Variants in TRPM4 observed in about 807,000 individuals in gnomAD.
TRPM4 encodes calcium-activated non-selective cation channel 1.
A neutral mutation model predicts 135.6 loss-of-function variants in TRPM4; 124 were observed. The ratio of observed to expected loss-of-function variants is 0.91; its 90% confidence interval spans 0.79 to 1.06. TRPM4 has a LOEUF of 1.06. Ranked by LOEUF, TRPM4 falls within the 50% of genes least tolerant of loss-of-function variation. The pLI is 0.00. For missense variants in TRPM4, 1,658 were observed against 1,671.4 expected (o/e 0.99, Z 0.14); for synonymous variants, 745 against 705.6 (o/e 1.06, Z -0.88).
intron 2 of TRPM4, among the ~76,000 whole-genome samples, chr19:49,160,808 G>A (rs755079290): frequency 5.3e-5 from 8 of 152,108 alleles, no homozygotes; most frequent in East Asian, 1.9e-4. Context: ...GCGTCTGAGC[G>A]GGAGGGGTAG....
At chr19:49,167,124 G>A (rs1293337376) in intron 3 of TRPM4, among the ~76,000 whole-genome samples, 547 of 137,884 alleles carry the variant, frequency 4.0e-3, no homozygotes, top group African/African-American at 0.016. Flanking sequence ...CTCTCTCTGG[G>A]TCTCTGTCCC....
At chr19:49,197,079 G>C (rs1039741071) in intron 17 of TRPM4, among the ~76,000 whole-genome samples, 1 of 152,154 alleles carries the variant, frequency 6.6e-6, no homozygotes, top group East Asian at 1.9e-4. Context: ...CTTCAGGGAC[G>C]GCAGGATTCA....
At chr19:49,196,400 C>A in intron 16 of TRPM4, 40 bp from the exon 17 acceptor site, 1 of 1,493,420 alleles carries the variant, frequency 6.7e-7, no homozygotes, top group South Asian at 1.3e-5. Flanking sequence ...ACTCAGAGGT[C>A]AGAGTGAGGC....
chr19:49,202,968 A>G (rs146061020), intron 20 of TRPM4, among the ~76,000 whole-genome samples: 8,718 of 140,548 alleles, frequency 0.062, 898 homozygotes, highest in African/African-American at 0.22. Context: ...TCAGCTCACT[A>G]CAAGCTCCGC....
intron 9 of TRPM4, among the ~76,000 whole-genome samples, chr19:49,180,950 A>C (rs1056855893): frequency 9.2e-5 from 14 of 151,752 alleles, no homozygotes; most frequent in African/African-American, 3.4e-4. Context: ...TTATATGCCT[A>C]CCTCTGAGGG....
chr19:49,168,630 G>A lies in TRPM4; in HGVS notation c.690G>A (p.Ser230=), dbSNP rs748931206. 32 of 1,613,616 alleles carry A rather than the reference G, an allele frequency of 2.0e-5. No individual in the cohort carries two copies. The highest frequency in any genetic ancestry group is 4.5e-5 in the East Asian group (2 of 44,874). The change falls in exon 6 of 25, where the codon TCG becomes TCA. Residue 230 remains serine, a synonymous_variant. Coordinates refer to ENST00000252826, the MANE Select transcript of TRPM4 (RefSeq NM_017636.4). ...AGTTTCCCCTGGACTACAACTACTC[G>A]GCCTTCTTCCTGGTGGACGACGGCA... ...GVQFPLDYNY[S]AFFLVDDGTH...
At chr19:49,178,604 G>A (rs1967791557) in intron 9 of TRPM4, among the ~76,000 whole-genome samples, 3 of 152,012 alleles carry the variant, frequency 2.0e-5, no homozygotes, top group Non-Finnish European at 4.4e-5. Flanking sequence ...AGATGAGGAC[G>A]TAGGGAAGAT....
At chr19:49,204,982 GTTTTTT>G (rs756332219) in intron 20 of TRPM4, among the ~76,000 whole-genome samples, 3,345 of 60,778 alleles carry the variant, frequency 0.055, 154 homozygotes, top group African/African-American at 0.16. Flanking sequence ...GGCTTTGGTT[GTTTTTT>G]TTTTTTTTTT....
At position 49,196,533 on chromosome 19, in the gene TRPM4, C is replaced by T. The variant is rs1235369651; in HGVS notation, c.2304C>T (p.Cys768=). The change falls in exon 17 of 25, where the codon TGC becomes TGT. Residue 768 remains cysteine, a synonymous_variant. Transcript: ENST00000252826. ...GGGGCCGCTGCGGGGGGCGCCGGTG[C>T]CTACGCCGCTGGTTCCACTTCTGGG... ...CCGGRCGGRR[C]LRRWFHFWGA... 4.5e-6 allele frequency: 7 copies of T among 1,554,054 alleles called. No homozygotes were observed. The highest frequency in any genetic ancestry group is 5.2e-6 in the Non-Finnish European group (6 of 1,153,384).
At chr19:49,170,691 C>G (rs1967419996) in intron 6 of TRPM4, among the ~76,000 whole-genome samples, 1 of 152,138 alleles carries the variant, frequency 6.6e-6, no homozygotes, top group African/African-American at 2.4e-5. Flanking sequence ...CTGCCTCATT[C>G]AGGGACTCAG....
chr19:49,161,616 C>G (rs1395550950), intron 2 of TRPM4, among the ~76,000 whole-genome samples: 2 of 149,208 alleles, frequency 1.3e-5, no homozygotes, highest in Admixed American at 1.4e-4. Context: ...CAGGCGAGAG[C>G]CACCATACCC....
intron 3 of TRPM4, among the ~76,000 whole-genome samples, 177 bp downstream of exon 3, chr19:49,166,392 G>C (rs751880876): frequency 6.6e-6 from 1 of 151,970 alleles, no homozygotes; most frequent in Non-Finnish European, 1.5e-5. Context: ...TTCTCTCTGC[G>C]TCTCTTTGTC....
chr19:49,171,563 GC>G lies in TRPM4; in HGVS notation c.859-13del, dbSNP rs1568461961. 1 of 1,613,690 alleles carries G rather than the reference GC, an allele frequency of 6.2e-7. No homozygotes were observed. Among genetic ancestry groups the G allele is most frequent in the South Asian group, 1.1e-5 (1 of 91,068 alleles). On this transcript the variant is annotated splice_polypyrimidine_tract_variant and intron_variant, in intron 7 of 24. Coordinates refer to ENST00000252826, the MANE Select transcript of TRPM4 (RefSeq NM_017636.4). The surrounding 1 kb of genome is among the most constrained non-coding windows in gnomAD (Gnocchi z 4.7). ...TTTTCTGACGTGATGAATAAAGAAT[GC>G]CTTTATCCTGTAGCGAATAGAGAAC...
intron 5 of TRPM4, 22 bp from the exon 6 acceptor site, chr19:49,168,531 G>C (rs768987697): frequency 7.4e-6 from 12 of 1,613,828 alleles, no homozygotes; most frequent in Non-Finnish European, 1.0e-5. Context: ...GAGACGCCCT[G>C]GTCTGGCCAT....
rs1318245666 is a variant in TRPM4 at position 49,196,537 on chromosome 19, C to T, written c.2308C>T (p.Arg770Cys). Residue 770 changes from arginine (R) to cysteine (C), a missense_variant, in exon 17 of 25, where the codon CGC becomes TGC. This residue lies in a region of TRPM4 where 1,412 missense variants were observed against 1,408.7 expected (regional missense o/e 1.00). Coordinates refer to ENST00000252826, the MANE Select transcript of TRPM4 (RefSeq NM_017636.4). ...CCGCTGCGGGGGGCGCCGGTGCCTA[C>T]GCCGCTGGTTCCACTTCTGGGGCGC... Reference protein sequence around the residue: ...GGRCGGRRCLRRWFHFWGAPV... With the variant: ...GGRCGGRRCLCRWFHFWGAPV... The T allele has an allele frequency of 2.6e-6, 4 of 1,554,344 alleles. No homozygotes were observed. The highest frequency in any genetic ancestry group is 3.5e-6 in the Non-Finnish European group (4 of 1,153,322).
chr19:49,177,693 C>T (rs571227734), intron 9 of TRPM4, among the ~76,000 whole-genome samples: 19 of 152,150 alleles, frequency 1.2e-4, no homozygotes, highest in Non-Finnish European at 2.5e-4. Context: ...CTCTTTTGCC[C>T]TTCATCTCCC....
intron 9 of TRPM4, among the ~76,000 whole-genome samples, chr19:49,175,786 G>A (rs1057339537): frequency 4.0e-5 from 6 of 150,128 alleles, no homozygotes; most frequent in South Asian, 2.1e-4. Flanking sequence ...TCAGCCTCCC[G>A]AGTAGTTGGG....
chr19:49,183,195 A>G lies in TRPM4; in HGVS notation c.1726A>G (p.Met576Val), dbSNP rs1555756223. 1 of 1,614,140 alleles carries G rather than the reference A, an allele frequency of 6.2e-7. No individual in the cohort carries two copies. Among genetic ancestry groups the G allele is most frequent in the Non-Finnish European group, 8.5e-7 (1 of 1,180,028 alleles). ...ALLLNRAQMAMYFWEMGSNAV... is the reference protein window; with the variant it reads ...ALLLNRAQMAVYFWEMGSNAV... ...GTTGCTGAACAGGGCACAGATGGCC[A>G]TGTACTTCTGGGAGATGGTGAGTGC... Residue 576 changes from methionine (M) to valine (V), a missense_variant, in exon 12 of 25, where the codon ATG (methionine) becomes GTG (valine). Physicochemically the swap from Met to Val is conservative, Grantham distance 21. Transcript: ENST00000252826.
chr19:49,172,102 G>T lies in TRPM4; in HGVS notation c.1144G>T (p.Val382Leu). 1 of 1,613,056 alleles carries T rather than the reference G, an allele frequency of 6.2e-7. No homozygotes were observed. The highest frequency in any genetic ancestry group is 1.1e-5 in the South Asian group (1 of 91,064). Residue 382 changes from valine to leucine, a missense_variant, in exon 9 of 25, where the codon GTG (valine) becomes TTG (leucine). Val to Leu is a conservative substitution (Grantham distance 32, BLOSUM62 1). Around this residue, in one of 3 missense-constraint regions of TRPM4, gnomAD observed 1,412 missense variants for 1,408.7 expected, o/e 1.00. Coordinates refer to ENST00000252826, the MANE Select transcript of TRPM4 (RefSeq NM_017636.4). Reference protein sequence around the residue: ...EFETIVLKALVKACGSSEASA... With the variant: ...EFETIVLKALLKACGSSEASA... ...CGAGACCATAGTTTTGAAGGCCCTT[G>T]TGAAGGGTAAAAGTTGTACCCTCCA...
Sources: gnomAD v4.1 joint callset for allele counts (sites outside exome capture counted in the v4.1 genomes callset) on GRCh38, gnomAD v4.1.1 for gene constraint, gnomAD v4.1.1 regional missense constraint, Gnocchi (gnomAD v3.1) non-coding constraint, MANE v1.5 for transcripts, NCBI Gene and HGNC (gene_info 2026-07-23, HGNC 2026-07-21) for gene names.